SPOCK3: variants seen among roughly 807,000 people sequenced by gnomAD.
The protein encoded by SPOCK3 is SPARC (osteonectin), cwcv and kazal like domains proteoglycan 3, also known as testican-3.
Under a neutral mutation model 56.6 loss-of-function variants are expected in SPOCK3, and 30 were observed. The ratio of observed to expected loss-of-function variants is 0.53; its 90% CI spans 0.40 to 0.72. The LOEUF is 0.72. SPOCK3 is among the 30% of genes least tolerant of loss of function. The pLI is 0.00. For synonymous variants in SPOCK3, 196 were observed against 183.3 expected, an observed-to-expected ratio of 1.07 and a Z score of -0.56; for missense variants, 527 against 530.0, an observed-to-expected ratio of 0.99 and a Z score of 0.06.
intron 2 of SPOCK3, among the ~76,000 whole-genome samples, chr4:167,079,790 T>A (rs1171992096): frequency 1.3e-5 from 2 of 152,066 alleles, no homozygotes; most frequent in African/African-American, 4.8e-5. Flanking sequence ...CTGTAATGTG[T>A]TTTGAGCAGT....
At chr4:167,143,069 G>A (rs918210599) in intron 2 of SPOCK3, among the ~76,000 whole-genome samples, 8 of 151,954 alleles carry the variant, frequency 5.3e-5, no homozygotes, top group Admixed American at 3.3e-4. Flanking sequence ...CATCAAAGGA[G>A]GGGAAATAGA....
Position 166,860,390 on chromosome 4 carries a change from C to T in SPOCK3, c.589+28740G>A, listed in dbSNP as rs147892483. ...TTTAGCAGCAATAGAATTTTTTACA[C>T]CACTGTGAGAAAACATGAGGGACAC... On this transcript the variant is annotated intron_variant, in intron 6 of 10. Transcript: ENST00000357545. Among the ~76,000 whole-genome samples the T allele has an allele frequency of 2.1e-4, 32 of 151,956 alleles. No homozygotes were observed. The East Asian group carries it at 6.2e-3, about 29-fold the overall frequency.
chr4:166,829,860 T>C (rs1745854730), intron 6 of SPOCK3, among the ~76,000 whole-genome samples: 1 of 152,094 alleles, frequency 6.6e-6, no homozygotes, highest in Non-Finnish European at 1.5e-5. Flanking sequence ...AGATTATTAT[T>C]ATCATAAGAT....
chr4:167,014,516 A>T (rs1579998873), intron 3 of SPOCK3, among the ~76,000 whole-genome samples: 2 of 152,042 alleles, frequency 1.3e-5, no homozygotes, highest in African/African-American at 4.8e-5. Context: ...TTAGCCGAGC[A>T]TGGTGACATA....
intron 2 of SPOCK3, among the ~76,000 whole-genome samples, chr4:167,079,722 C>A (rs777607976): frequency 7.2e-5 from 11 of 151,952 alleles, no homozygotes; most frequent in Non-Finnish European, 1.3e-4. Context: ...TCAGGGAAAG[C>A]AAATTCGATA....
chr4:167,162,895 G>T (rs1173752432), intron 2 of SPOCK3, among the ~76,000 whole-genome samples: 2 of 151,798 alleles, frequency 1.3e-5, no homozygotes, highest in African/African-American at 4.8e-5. Context: ...TTAAACTTTG[G>T]AAGAGATTAC....
intron 4 of SPOCK3, among the ~76,000 whole-genome samples, chr4:166,971,528 T>G (rs946454155): frequency 3.9e-5 from 6 of 152,140 alleles, no homozygotes; most frequent in African/African-American, 1.4e-4. Context: ...AGAGAAAGTA[T>G]TTTTTCAATT....
chr4:167,187,270 GTTTT>G (rs5863863), intron 2 of SPOCK3, among the ~76,000 whole-genome samples: 1 of 139,038 alleles, frequency 7.2e-6, no homozygotes, highest in Non-Finnish European at 1.6e-5. Flanking sequence ...TAGGGTTCCA[GTTTT>G]TTTTTTTTTT....
chr4:167,001,274 C>G (rs1363419399), intron 3 of SPOCK3, among the ~76,000 whole-genome samples: 1 of 152,124 alleles, frequency 6.6e-6, no homozygotes, highest in Non-Finnish European at 1.5e-5. Flanking sequence ...TTATCATTAT[C>G]ATCCCCTATT....
intron 3 of SPOCK3, among the ~76,000 whole-genome samples, chr4:167,018,132 T>C (rs1205302517): frequency 6.6e-6 from 1 of 152,132 alleles, no homozygotes; most frequent in Admixed American, 6.6e-5. Flanking sequence ...GTATAATAAA[T>C]GATCTTGATT....
rs147016268 is a variant in SPOCK3 at position 167,025,411 on chromosome 4, A to G, written c.236-24948T>C. Among the ~76,000 whole-genome samples the G allele has an allele frequency of 1.5e-3, 228 of 152,102 alleles. 1 individual carries two copies. Among genetic ancestry groups the G allele is most frequent in the African/African-American group, 5.2e-3 (215 of 41,522 alleles). On this transcript the variant is annotated intron_variant, in intron 3 of 10. Transcript: ENST00000357545. ...AGTTGAAAGGGTAAAAATACACTATACCTGTGGCCTTAAATAAAATAACGT... is the reference window on the plus strand; with the variant it reads ...AGTTGAAAGGGTAAAAATACACTATGCCTGTGGCCTTAAATAAAATAACGT...
chr4:167,057,737 C>A (rs576113008), intron 3 of SPOCK3, among the ~76,000 whole-genome samples: 1 of 152,172 alleles, frequency 6.6e-6, no homozygotes, highest in Non-Finnish European at 1.5e-5. Context: ...GAAGAGCTAA[C>A]TATCCTAAAT....
chr4:166,942,539 G>C (rs35673614), intron 4 of SPOCK3, among the ~76,000 whole-genome samples: 23,698 of 150,256 alleles, frequency 0.16, 2,662 homozygotes, highest in African/African-American at 0.32. Flanking sequence ...ATGAACTCTG[G>C]AAATACTGAG....
intron 2 of SPOCK3, among the ~76,000 whole-genome samples, chr4:167,094,050 T>G (rs1257498768): frequency 1.3e-5 from 2 of 152,164 alleles, no homozygotes; most frequent in African/African-American, 4.8e-5. Context: ...TGACTTAACT[T>G]TCAGTAACAG....
intron 2 of SPOCK3, among the ~76,000 whole-genome samples, chr4:167,187,388 T>C (rs907451966): frequency 6.6e-6 from 1 of 152,026 alleles, no homozygotes; most frequent in African/African-American, 2.4e-5. Context: ...TTACATTTTT[T>C]TCTCATTTTA....
chr4:167,151,532 T>G (rs1349505351), intron 2 of SPOCK3, among the ~76,000 whole-genome samples: 1 of 151,626 alleles, frequency 6.6e-6, no homozygotes, highest in Non-Finnish European at 1.5e-5. Flanking sequence ...CCTCCCAGGT[T>G]CACGCCATTC....
chr4:167,054,649 T>A (rs960490573), intron 3 of SPOCK3, among the ~76,000 whole-genome samples: 2 of 152,224 alleles, frequency 1.3e-5, no homozygotes, highest in East Asian at 3.8e-4. Flanking sequence ...ATCAAAATAG[T>A]TTTTACTTAA....
At chr4:167,204,952 G>A (rs1268702973) in intron 2 of SPOCK3, among the ~76,000 whole-genome samples, 3 of 147,854 alleles carry the variant, frequency 2.0e-5, no homozygotes, top group African/African-American at 5.0e-5. Context: ...CAGCCTCCTA[G>A]GTAGCTATGT....
chr4:167,022,116 A>G (rs1177192714), intron 3 of SPOCK3, among the ~76,000 whole-genome samples: 2 of 151,940 alleles, frequency 1.3e-5, no homozygotes, highest in East Asian at 1.9e-4. Flanking sequence ...TGCTGTTCCC[A>G]TCTAGTACTG....
Sources: gnomAD v4.1 joint callset for allele counts (sites outside exome capture counted in the v4.1 genomes callset) on GRCh38, gnomAD v4.1.1 for gene constraint, MANE v1.5 for transcripts, NCBI Gene and HGNC (gene_info 2026-07-23, HGNC 2026-07-21) for gene names.